SEMA3A: variants seen among roughly 807,000 people sequenced by gnomAD.
SEMA3A encodes the protein semaphorin-3A.
Under a neutral mutation model 97.9 loss-of-function variants are expected in SEMA3A, and 29 were observed. That is an observed-to-expected ratio of 0.30 (90% CI 0.22 to 0.40). The LOEUF (loss-of-function observed/expected upper bound fraction) is 0.40. Among genes scored for constraint, SEMA3A ranks in the 10% least tolerant of loss-of-function variants. SEMA3A has a pLI of 1.00. For synonymous variants in SEMA3A, 321 were observed against 323.7 expected (o/e 0.99, Z 0.09); for missense variants, 763 against 951.3 (o/e 0.80, Z 2.60).
At chr7:84,155,750 TAA>T (rs941469811) in intron 1 of SEMA3A, among the ~76,000 whole-genome samples, 8 of 152,312 alleles carry the variant, frequency 5.3e-5, no homozygotes, top group African/African-American at 1.9e-4. Flanking sequence ...GAGATTTTTT[TAA>T]AGTTATGTTA....
At chr7:84,121,047 T>C (rs951550305) in intron 3 of SEMA3A, among the ~76,000 whole-genome samples, 1 of 152,116 alleles carries the variant, frequency 6.6e-6, no homozygotes, top group Admixed American at 6.5e-5. Context: ...CCTTTAGATA[T>C]TGATGGAGAT....
chr7:84,284,919 G>A (rs1437452067), intron 3 of SEMA3A, among the ~76,000 whole-genome samples: 1 of 152,084 alleles, frequency 6.6e-6, no homozygotes, highest in Non-Finnish European at 1.5e-5. Flanking sequence ...CAAACATCTA[G>A]TAAGGCCTTT....
chr7:84,357,620 G>T (rs1270138885), intron 2 of SEMA3A, among the ~76,000 whole-genome samples: 2 of 152,110 alleles, frequency 1.3e-5, no homozygotes, highest in Non-Finnish European at 2.9e-5. Flanking sequence ...CTTTATAGCA[G>T]CATGATTTAT....
chr7:84,387,910 G>T (rs949257625), intron 1 of SEMA3A, among the ~76,000 whole-genome samples: 1 of 152,100 alleles, frequency 6.6e-6, no homozygotes, highest in Non-Finnish European at 1.5e-5. Context: ...GCTCTTCGGG[G>T]CTTGCTAGTC....
chr7:84,289,658 G>C (rs575736438), intron 3 of SEMA3A, among the ~76,000 whole-genome samples: 1 of 152,048 alleles, frequency 6.6e-6, no homozygotes, highest in African/African-American at 2.4e-5. Flanking sequence ...TGGAACCCAC[G>C]CATGTTGCTG....
intron 1 of SEMA3A, among the ~76,000 whole-genome samples, chr7:84,420,581 A>T (rs1189670368): frequency 3.5e-4 from 54 of 152,122 alleles, no homozygotes; most frequent in African/African-American, 1.2e-3. Flanking sequence ...AATGGCAAAA[A>T]CTTTTCTTAT....
chr7:84,172,473 A>G (rs1797414939), intron 1 of SEMA3A, among the ~76,000 whole-genome samples: 1 of 151,888 alleles, frequency 6.6e-6, no homozygotes, highest in Admixed American at 6.6e-5. Context: ...CCCAGGCTGG[A>G]GTGCAGTGGG....
chr7:84,065,426 G>A (rs1378339972), intron 4 of SEMA3A, among the ~76,000 whole-genome samples: 2 of 150,636 alleles, frequency 1.3e-5, no homozygotes, highest in Non-Finnish European at 2.9e-5. Flanking sequence ...AATCAGAGCA[G>A]AACTGAAGGA....
intron 3 of SEMA3A, among the ~76,000 whole-genome samples, chr7:84,205,364 T>C (rs535721128): frequency 1.8e-4 from 28 of 152,190 alleles, no homozygotes; most frequent in Non-Finnish European, 1.9e-4. Context: ...TTTACTATAA[T>C]AGTTTCAACA....
rs59439667 is a variant in SEMA3A at position 83,973,083 on chromosome 7, A to T, written c.1717+4049T>A. Among the ~76,000 whole-genome samples, 138 of 152,264 alleles carry T rather than the reference A, an allele frequency of 9.1e-4. 3 individuals are homozygous for T. The East Asian group carries it at 0.015, about 17-fold the overall frequency. On this transcript the variant is annotated intron_variant, in intron 15 of 16. Coordinates refer to ENST00000265362, the MANE Select transcript of SEMA3A (RefSeq NM_006080.3). Reference sequence around the variant, plus strand: ...TTTTTTCTAGGAGAAATTCTTTCTTACTTCTGACAGATATGTGGGATCCTA... The same window carrying T: ...TTTTTTCTAGGAGAAATTCTTTCTTTCTTCTGACAGATATGTGGGATCCTA...
intron 1 of SEMA3A, among the ~76,000 whole-genome samples, chr7:84,467,643 T>C (rs1806037402): frequency 6.6e-6 from 1 of 152,090 alleles, no homozygotes; most frequent in African/African-American, 2.4e-5. Flanking sequence ...CTGTCTACTT[T>C]TAAAGCTATT....
intron 3 of SEMA3A, among the ~76,000 whole-genome samples, chr7:84,201,094 T>C (rs1195536097): frequency 1.3e-5 from 2 of 152,020 alleles, no homozygotes. Context: ...GACTAAGCAA[T>C]ATGGTTTAAA....
chr7:84,115,430 T>C (rs1795394848), intron 3 of SEMA3A, among the ~76,000 whole-genome samples: 1 of 119,592 alleles, frequency 8.4e-6, no homozygotes, highest in African/African-American at 2.9e-5. Context: ...ACTTGAAACC[T>C]TCAAACATGT....
intron 1 of SEMA3A, among the ~76,000 whole-genome samples, chr7:84,487,803 A>G (rs1036167607): frequency 4.0e-5 from 6 of 151,822 alleles, no homozygotes; most frequent in Non-Finnish European, 8.8e-5. Flanking sequence ...TTTTCTCTTT[A>G]AAAAAAACAA....
chr7:84,062,039 A>G (rs571846563), intron 4 of SEMA3A, among the ~76,000 whole-genome samples: 3 of 152,344 alleles, frequency 2.0e-5, no homozygotes, highest in African/African-American at 7.2e-5. Context: ...AGCACATGTA[A>G]GGATATTTAA....
At chr7:84,051,602 G>T (rs1186117250) in intron 5 of SEMA3A, among the ~76,000 whole-genome samples, 1 of 152,166 alleles carries the variant, frequency 6.6e-6, no homozygotes, top group East Asian at 1.9e-4. Context: ...AGCTTAAGGA[G>T]ATTTTGGGCT....
At chr7:84,265,449 A>C (rs543086217) in intron 3 of SEMA3A, among the ~76,000 whole-genome samples, 3 of 147,614 alleles carry the variant, frequency 2.0e-5, no homozygotes, top group African/African-American at 7.4e-5. Context: ...TATTTTAAAT[A>C]TAATATATTA....
intron 1 of SEMA3A, among the ~76,000 whole-genome samples, chr7:84,143,206 C>T (rs1796349757): frequency 6.6e-6 from 1 of 152,070 alleles, no homozygotes; most frequent in African/African-American, 2.4e-5. Context: ...AACACATGCA[C>T]TTTCTACTGG....
At chr7:84,195,377 C>G (rs938549404), upstream of SEMA3A, 1 of 152,002 alleles carries the variant, frequency 6.6e-6, no homozygotes, top group African/African-American at 2.4e-5. Context: ...ATTTACAATT[C>G]ATGCTCATTA....
Sources: allele counts gnomAD v4.1 joint callset (sites outside exome capture counted in the v4.1 genomes callset), GRCh38; gene constraint gnomAD v4.1.1; transcripts MANE v1.5; gene names NCBI Gene and HGNC (gene_info 2026-07-23, HGNC 2026-07-21).